The following PMVK variants were observed in gnomAD, a reference collection of about 807,000 sequenced individuals.
The protein encoded by PMVK is testis tissue sperm-binding protein Li 95mP.
In PMVK, 10 loss-of-function variants were observed where a neutral mutation model predicts 19.0. The ratio of observed to expected loss-of-function variants is 0.53; its 90% CI spans 0.32 to 0.89. The LOEUF is 0.89. Ranked by LOEUF, PMVK falls within the 40% of genes least tolerant of loss-of-function variation. The probability of loss-of-function intolerance (pLI) is 0.03; values close to 1 mark genes in which losing one functional copy is unlikely to be tolerated. For missense variants in PMVK, 222 were observed against 251.1 expected, an observed-to-expected ratio of 0.88 and a Z score of 0.78; for synonymous variants, 108 against 101.6, an observed-to-expected ratio of 1.06 and a Z score of -0.38.
intron 2 of PMVK, 104 bp downstream of exon 2, chr1:154,932,248 C>T: frequency 1.2e-6 from 1 of 814,410 alleles, no homozygotes; most frequent in Non-Finnish European, 2.1e-6. Context: ...ACCCTGCCAG[C>T]AGTGGTGACG....
At chr1:154,938,365 G>A (rs991144862), upstream of PMVK, among the ~76,000 whole-genome samples, 2 of 152,194 alleles carry the variant, frequency 1.3e-5, no homozygotes, top group Non-Finnish European at 2.9e-5. Flanking sequence ...AGGCCAAGGC[G>A]GATCACCTGA....
chr1:154,936,679 G>A lies in PMVK; in HGVS notation c.7C>T (p.Pro3Ser). The change falls in exon 1 of 5, where the codon CCG becomes TCG. Residue 3 changes from proline to serine, a missense_variant. Pro to Ser is a moderately conservative substitution (Grantham distance 74). Coordinates refer to ENST00000368467, the MANE Select transcript of PMVK (RefSeq NM_006556.4). ...ACCAGCCGCGGGGCGCCTCCCAGCG[G>A]GGCCATGGGGCCGCCACGCCTCGCG... MA[P>S]LGGAPRLVLL... The A allele has an allele frequency of 6.2e-7, 1 of 1,603,942 alleles. No individual in the cohort carries two copies.
chr1:154,940,388 G>A (rs1190185850), upstream of PMVK, among the ~76,000 whole-genome samples: 3 of 152,146 alleles, frequency 2.0e-5, no homozygotes, highest in African/African-American at 7.2e-5. Context: ...TCCTGCAAAG[G>A]GGCCCTGCTC....
At position 154,926,441 on chromosome 1, in the gene PMVK, G is replaced by A. The variant is rs139145474; in HGVS notation, c.355C>T (p.Arg119Trp). 1.5e-4 allele frequency: 248 copies of A among 1,613,810 alleles called. No individual in the cohort carries two copies. The highest frequency in any genetic ancestry group is 1.3e-3 in the African/African-American group (97 of 75,018). Residue 119 changes from arginine (R) to tryptophan (W), a missense_variant, in exon 4 of 5, where the codon CGG (arginine) becomes TGG (tryptophan). Arg to Trp is a moderately radical substitution (Grantham distance 101). Transcript: ENST00000368467. ...TRRVSDIQWF[R>W]EAYGAVTQTV... is the part of the protein sequence containing the mutation. Reference sequence around the variant, plus strand: ...TGCGTCACGGCCCCATAGGCCTCCCGAAACCACTGGATGTCAGACACTCTC... The same window carrying A: ...TGCGTCACGGCCCCATAGGCCTCCCAAAACCACTGGATGTCAGACACTCTC...
Position 154,925,158 on chromosome 1 carries a change from GGTT to G in PMVK, c.547_549del (p.Asn183del), listed in dbSNP as rs1403031686. The G allele has an allele frequency of 6.2e-7, 1 of 1,604,890 alleles. No individual in the cohort carries two copies. The highest frequency in any genetic ancestry group is 1.4e-5 in the African/African-American group (1 of 73,298). On this transcript the variant is annotated inframe_deletion, in exon 5 of 5. Transcript: ENST00000368467. ...AGTCTGGAGCGGATAAATTCTATCA[GGTT>G]CTCCAACTGCTCCTCCAGGCGCTGT...
chr1:154,932,201 G>C, intron 2 of PMVK, 151 bp downstream of exon 2: 1 of 672,848 alleles, frequency 1.5e-6, no homozygotes, highest in South Asian at 1.6e-5. Context: ...AAATGCCCCC[G>C]AAAGGTCCAC....
rs753225992 is a variant in PMVK at position 154,926,358 on chromosome 1, C to A, written c.438G>T (p.Thr146=). ...CCTACACATAGAGTGGCTCACCTGGCGTGAACACCCAGCCCCGCTGCTGTC... is the reference window on the plus strand; with the variant it reads ...CCTACACATAGAGTGGCTCACCTGGAGTGAACACCCAGCCCCGCTGCTGTC... ...QSRQQRGWVF[T]PGVDDAESEC... The change falls in exon 4 of 5, where the codon ACG becomes ACT. Residue 146 remains threonine (T), a synonymous_variant. Coordinates refer to ENST00000368467, the MANE Select transcript of PMVK (RefSeq NM_006556.4). The A allele has an allele frequency of 2.5e-6, 4 of 1,612,768 alleles. No individual in the cohort carries two copies. Among genetic ancestry groups the A allele is most frequent in the Non-Finnish European group, 3.4e-6 (4 of 1,179,472 alleles).
upstream of PMVK, chr1:154,937,505 T>G (rs1056667368): frequency 6.6e-6 from 1 of 152,248 alleles, no homozygotes; most frequent in African/African-American, 2.4e-5. Context: ...TGAGATTGCC[T>G]GGTTTCATCC....
intron 1 of PMVK, chr1:154,936,366 C>T (rs1654503680): frequency 1.0e-6 from 1 of 983,522 alleles, no homozygotes; most frequent in Non-Finnish European, 1.2e-6. Flanking sequence ...GAGAGACCTG[C>T]AGCTGAAGGT....
chr1:154,939,100 T>TCA (rs1443608721), upstream of PMVK, among the ~76,000 whole-genome samples: 2 of 152,104 alleles, frequency 1.3e-5, no homozygotes, highest in Admixed American at 1.3e-4. Flanking sequence ...CTCGGTGACA[T>TCA]CACGGTCATG....
chr1:154,931,036 CCATTATGCGCCACTGCA>C (rs1435810062), intron 2 of PMVK, among the ~76,000 whole-genome samples: 1 of 152,094 alleles, frequency 6.6e-6, no homozygotes, highest in Non-Finnish European at 1.5e-5. Flanking sequence ...CTGCAGTGAG[CCATTATGCGCCACTGCA>C]CTCCAGCCTG....
Position 154,936,642 on chromosome 1 carries a change from C to T in PMVK, c.44G>A (p.Ser15Asn), listed in dbSNP as rs1463034407. 1.2e-6 allele frequency: 2 copies of T among 1,609,614 alleles called. No homozygotes were observed. The highest frequency in any genetic ancestry group is 1.3e-5 in the African/African-American group (1 of 74,886). Residue 15 changes from serine (S) to asparagine (N), a missense_variant, in exon 1 of 5, where the codon AGC becomes AAC. By Grantham distance (46) the Ser-to-Asn change is conservative. Coordinates refer to ENST00000368467, the MANE Select transcript of PMVK (RefSeq NM_006556.4). Reference protein sequence around the residue: ...GGAPRLVLLFSGKRKSGKDFV... With the variant: ...GGAPRLVLLFNGKRKSGKDFV... ...GTCCTTCCCGGATTTCCTCTTGCCG[C>T]TGAACAGCAGTACCAGCCGCGGGGC...
chr1:154,933,371 T>C (rs1359125186), intron 1 of PMVK, among the ~76,000 whole-genome samples: 2 of 151,098 alleles, frequency 1.3e-5, no homozygotes. Flanking sequence ...AGGTGGAAGT[T>C]GCAGTGAGCC....
chr1:154,941,247 C>G (rs34195153), upstream of PMVK, among the ~76,000 whole-genome samples: 1,638 of 152,278 alleles, frequency 0.011, 25 homozygotes, highest in Non-Finnish European at 0.012. Context: ...AAGGGGTTCA[C>G]TGTTGTTCTC....
In PMVK at chr1:154,926,466, C is replaced by T. The variant is rs747003640; in HGVS notation, c.330G>A (p.Arg110=). 6.2e-7 allele frequency: 1 copy of T among 1,613,752 alleles called. No individual in the cohort carries two copies. The stretch of plus-strand genomic sequence containing the variant: ...GAAACCACTGGATGTCAGACACTCT[C>T]CGTGTGTCACTCACCAGCTGCAGGA... The part of the protein sequence containing the change: ...SQPIWLVSDT[R]RVSDIQWFRE... Residue 110 remains arginine (R), a synonymous_variant, in exon 4 of 5, where the codon CGG becomes CGA. Transcript: ENST00000368467.
chr1:154,931,148 C>T (rs1209977375), intron 2 of PMVK, among the ~76,000 whole-genome samples: 4 of 152,142 alleles, frequency 2.6e-5, no homozygotes, highest in African/African-American at 9.7e-5. Flanking sequence ...AGGCTGCCAC[C>T]CTATGAATAG....
At chr1:154,936,392 C>A in intron 1 of PMVK, 199 bp downstream of exon 1, 1 of 985,320 alleles carries the variant, frequency 1.0e-6, no homozygotes, top group Non-Finnish European at 1.2e-6. Flanking sequence ...GAGAGGTGGT[C>A]ACCTGCTTCT....
At chr1:154,938,278 G>A (rs1654573347), upstream of PMVK, among the ~76,000 whole-genome samples, 1 of 152,180 alleles carries the variant, frequency 6.6e-6, no homozygotes, top group African/African-American at 2.4e-5. Context: ...CTGACTCTGA[G>A]ATCCAGCTCC....
At chr1:154,927,484 A>T (rs1319431581) in intron 3 of PMVK, among the ~76,000 whole-genome samples, 3 of 149,332 alleles carry the variant, frequency 2.0e-5, no homozygotes, top group Non-Finnish European at 4.4e-5. Context: ...AAACACAGGA[A>T]AGTCCTCCAC....
Sources: gnomAD v4.1 joint callset for allele counts (sites outside exome capture counted in the v4.1 genomes callset) on GRCh38, gnomAD v4.1.1 for gene constraint, MANE v1.5 for transcripts, NCBI Gene and HGNC (gene_info 2026-07-23, HGNC 2026-07-21) for gene names.